EML6: variants seen among roughly 807,000 people sequenced by gnomAD.
EML6 encodes the protein EMAP like 6, also known as echinoderm microtubule-associated protein-like 6.
In EML6, 154 loss-of-function variants were observed where a neutral mutation model predicts 240.1. The ratio of observed to expected loss-of-function variants is 0.64; its 90% CI spans 0.56 to 0.73. The LOEUF is 0.73. Ranked by LOEUF, EML6 falls within the 30% of genes least tolerant of loss-of-function variation. The pLI, the probability that EML6 is intolerant of heterozygous loss-of-function variation, is 0.00. For synonymous variants in EML6, 1,148 were observed against 899.0 expected, an observed-to-expected ratio of 1.28 and a Z score of -4.95; for missense variants, 2,964 against 2,474.6, an observed-to-expected ratio of 1.20 and a Z score of -4.20.
At chr2:54,927,760 C>A (rs1674632670) in intron 26 of EML6, among the ~76,000 whole-genome samples, 1 of 152,204 alleles carries the variant, frequency 6.6e-6, no homozygotes, top group South Asian at 2.1e-4. Context: ...TGAAAAGGAG[C>A]TTTGCTTTAA....
chr2:54,757,155 C>G (rs1354295976), intron 2 of EML6, among the ~76,000 whole-genome samples: 1 of 151,474 alleles, frequency 6.6e-6, no homozygotes, highest in African/African-American at 2.4e-5. Context: ...TCCCTTATGT[C>G]TCCTTCCTTT....
intron 2 of EML6, among the ~76,000 whole-genome samples, chr2:54,741,536 C>T (rs924281379): frequency 7.9e-5 from 12 of 152,078 alleles, no homozygotes; most frequent in Non-Finnish European, 1.8e-4. Flanking sequence ...ACATGACTAG[C>T]ACCAAGAATT....
chr2:54,829,653 T>C (rs1305282625), intron 7 of EML6, among the ~76,000 whole-genome samples, 176 bp downstream of exon 7: 1 of 152,222 alleles, frequency 6.6e-6, no homozygotes, highest in Non-Finnish European at 1.5e-5. Context: ...TTCGCACAAA[T>C]GCATCTGCAT....
At chr2:54,877,459 T>TA (rs5831327) in intron 16 of EML6, among the ~76,000 whole-genome samples, 1 of 151,818 alleles carries the variant, frequency 6.6e-6, no homozygotes, top group East Asian at 1.9e-4. Context: ...TTAAAAGTCT[T>TA]AAAAAAAAGC....
chr2:54,962,809 G>A (rs1042248740), intron 36 of EML6, 98 bp downstream of exon 36: 49 of 988,766 alleles, frequency 5.0e-5, no homozygotes, highest in East Asian at 3.3e-4. Context: ...TGGCAGAGAC[G>A]GGGATGGGGC....
chr2:54,848,591 C>T (rs947957764), intron 9 of EML6, among the ~76,000 whole-genome samples: 4 of 148,500 alleles, frequency 2.7e-5, no homozygotes, highest in Non-Finnish European at 5.9e-5. Flanking sequence ...TCTAGTACAC[C>T]ATAATGCTAT....
intron 2 of EML6, among the ~76,000 whole-genome samples, chr2:54,806,248 A>G (rs559882564): frequency 6.6e-5 from 10 of 152,104 alleles, no homozygotes; most frequent in Non-Finnish European, 1.5e-4. Flanking sequence ...AATCACAGAG[A>G]ATAGTCTTAT....
chr2:54,944,806 CAACAGAGTCCAGTTCTTAGGAATACTGTT>C (rs1431106358), intron 28 of EML6, among the ~76,000 whole-genome samples: 1 of 152,024 alleles, frequency 6.6e-6, no homozygotes, highest in Non-Finnish European at 1.5e-5. Flanking sequence ...GGAATACACT[CAACAGAGTCCAGTTCTTAGGAATACTGTT>C]AACAGAGTCC....
At chr2:54,870,945 A>G (rs1671225357) in intron 15 of EML6, among the ~76,000 whole-genome samples, 1 of 152,188 alleles carries the variant, frequency 6.6e-6, no homozygotes, top group African/African-American at 2.4e-5. Flanking sequence ...CCACTCTACT[A>G]TTATAATTTT....
chr2:54,796,051 G>A (rs1362565598), intron 2 of EML6, among the ~76,000 whole-genome samples: 2 of 151,876 alleles, frequency 1.3e-5, no homozygotes, highest in Non-Finnish European at 1.5e-5. Flanking sequence ...ACACAAATAA[G>A]TCTTTAAAAC....
chr2:54,829,349 T>A lies in EML6; in HGVS notation c.719T>A (p.Ile240Asn). The change falls in exon 7 of 42, where the codon ATC becomes AAC. Residue 240 changes from isoleucine to asparagine, a missense_variant. By Grantham distance (149) the Ile-to-Asn change is moderately radical. Transcript: ENST00000356458. ...RTIQGAHSAG[I>N]FSMYACEEGF... ...ACCTGTTTTAATCAACAGGCTGGAATCTTTAGCATGTATGCTTGTGAAGAA... is the reference window on the plus strand; with the variant it reads ...ACCTGTTTTAATCAACAGGCTGGAAACTTTAGCATGTATGCTTGTGAAGAA... The A allele has an allele frequency of 6.4e-7, 1 of 1,551,654 alleles. No individual in the cohort carries two copies. The highest frequency in any genetic ancestry group is 8.7e-7 in the Non-Finnish European group (1 of 1,146,888).
chr2:54,737,175 T>A (rs1683434712), intron 2 of EML6, among the ~76,000 whole-genome samples: 1 of 152,238 alleles, frequency 6.6e-6, no homozygotes, highest in African/African-American at 2.4e-5. Context: ...GAGAATGTAC[T>A]TATCTTAGAA....
At position 54,787,971 on chromosome 2, in the gene EML6, C is replaced by T. The variant is rs549625898; in HGVS notation, c.198-25261C>T. On this transcript the variant is annotated intron_variant, in intron 2 of 41. Transcript: ENST00000356458. ...TGGTTTCTGCTGTAGCCTGCCTGTT[C>T]CTCATCTCGCAGACCCAAAAACCCA... Among the ~76,000 whole-genome samples the T allele has an allele frequency of 3.3e-5, 5 of 152,266 alleles. No homozygotes were observed. In the East Asian group the frequency reaches 9.6e-4, roughly 29 times the overall value.
At chr2:54,889,360 GA>G (rs1311353106) in intron 17 of EML6, among the ~76,000 whole-genome samples, 1 of 151,526 alleles carries the variant, frequency 6.6e-6, no homozygotes, top group East Asian at 1.9e-4. Flanking sequence ...CTTTTTATTG[GA>G]ACTAAGTTGA....
intron 17 of EML6, among the ~76,000 whole-genome samples, chr2:54,887,339 A>G (rs550792569): frequency 3.0e-4 from 46 of 152,212 alleles, no homozygotes; most frequent in Non-Finnish European, 5.9e-4. Flanking sequence ...GAATTATTTT[A>G]TAAACAATTT....
At chr2:54,904,773 A>G (rs1397589216) in intron 24 of EML6, among the ~76,000 whole-genome samples, 2 of 152,186 alleles carry the variant, frequency 1.3e-5, no homozygotes, top group African/African-American at 2.4e-5. Context: ...CTTGGGGAGA[A>G]GAAGTGAGCC....
chr2:54,965,045 C>T (rs560393964), intron 38 of EML6, among the ~76,000 whole-genome samples: 2 of 152,344 alleles, frequency 1.3e-5, no homozygotes, highest in South Asian at 4.1e-4. Context: ...TTTTCTGGGG[C>T]TACACCTAAG....
At chr2:54,945,407 A>G (rs1195449112) in intron 28 of EML6, among the ~76,000 whole-genome samples, 1 of 151,430 alleles carries the variant, frequency 6.6e-6, no homozygotes, top group Non-Finnish European at 1.5e-5. Context: ...GGACACTTTG[A>G]ACATTGTCTG....
intron 2 of EML6, among the ~76,000 whole-genome samples, chr2:54,809,997 T>C (rs1341132323): frequency 6.6e-6 from 1 of 152,204 alleles, no homozygotes. Flanking sequence ...TTCTCTGTTC[T>C]TGCTATTCTT....
Sources: allele counts gnomAD v4.1 joint callset (sites outside exome capture counted in the v4.1 genomes callset), GRCh38; gene constraint gnomAD v4.1.1; transcripts MANE v1.5; gene names NCBI Gene and HGNC (gene_info 2026-07-23, HGNC 2026-07-21).